Variants in ADAM9 observed in about 807,000 individuals in gnomAD.
The protein encoded by ADAM9 is ADAM metallopeptidase domain 9, also known as disintegrin and metalloproteinase domain-containing protein 9.
A neutral mutation model predicts 108.1 loss-of-function variants in ADAM9; 54 were observed. The observed-to-expected ratio is 0.50, with a 90% CI of 0.40 to 0.63. The LOEUF (loss-of-function observed/expected upper bound fraction) is 0.63, where lower values mean the gene tolerates loss of function less well. ADAM9 is among the 20% of genes least tolerant of loss of function. The pLI, the probability that ADAM9 is intolerant of heterozygous loss-of-function variation, is 0.00. For synonymous variants in ADAM9, 316 were observed against 336.0 expected (o/e 0.94, Z 0.65); for missense variants, 830 against 997.7 (o/e 0.83, Z 2.26).
At chr8:39,097,500 G>A (rs2129443507) in intron 20 of ADAM9, among the ~76,000 whole-genome samples, 1 of 152,076 alleles carries the variant, frequency 6.6e-6, no homozygotes, top group South Asian at 2.1e-4. Flanking sequence ...TAGAGATGGG[G>A]TTTCACCATA....
intron 20 of ADAM9, among the ~76,000 whole-genome samples, chr8:39,098,183 T>C (rs568235392): frequency 6.6e-6 from 1 of 152,350 alleles, no homozygotes; most frequent in African/African-American, 2.4e-5. Context: ...CATTGTCTGT[T>C]ACTCTAATTG....
intron 15 of ADAM9, chr8:39,075,874 C>A (rs2129441783): frequency 6.6e-6 from 1 of 152,194 alleles, no homozygotes; most frequent in East Asian, 1.9e-4. Context: ...GAAACTGAAG[C>A]TCAGAAAATG....
chr8:39,047,132 A>G (rs1354189203), intron 12 of ADAM9, among the ~76,000 whole-genome samples: 1 of 152,216 alleles, frequency 6.6e-6, no homozygotes, highest in Non-Finnish European at 1.5e-5. Flanking sequence ...ATCCCAATTT[A>G]TACCCAAGGA....
chr8:39,081,240 C>T (rs940902845), intron 16 of ADAM9, among the ~76,000 whole-genome samples: 1 of 151,692 alleles, frequency 6.6e-6, no homozygotes, highest in East Asian at 1.9e-4. Context: ...TGAGCCACTG[C>T]ACCCGGTCCC....
intron 1 of ADAM9, among the ~76,000 whole-genome samples, chr8:38,997,482 G>A (rs1197359089): frequency 6.6e-6 from 1 of 152,200 alleles, no homozygotes; most frequent in Non-Finnish European, 1.5e-5. Context: ...ACCCGCTCTG[G>A]GGCGGGCGCT....
intron 16 of ADAM9, 58 bp downstream of exon 16, chr8:39,077,469 T>C: frequency 6.8e-7 from 1 of 1,465,444 alleles, no homozygotes; most frequent in Non-Finnish European, 9.3e-7. Context: ...AAAATTATTA[T>C]ACATAGTAAG....
At chr8:39,014,379 G>A (rs746733892) in intron 4 of ADAM9, 5 of 548,096 alleles carry the variant, frequency 9.1e-6, no homozygotes, top group Admixed American at 3.5e-5. Context: ...CTCTAAAAGT[G>A]CACTTATTAA....
chr8:39,087,825 CA>C (rs1269596404), intron 18 of ADAM9, among the ~76,000 whole-genome samples: 1 of 152,144 alleles, frequency 6.6e-6, no homozygotes, highest in Non-Finnish European at 1.5e-5. Flanking sequence ...TTAGGGGCTC[CA>C]ACTCCCTGCA....
At chr8:39,062,037 C>T (rs187266130) in intron 14 of ADAM9, among the ~76,000 whole-genome samples, 1 of 152,240 alleles carries the variant, frequency 6.6e-6, no homozygotes, top group Non-Finnish European at 1.5e-5. Flanking sequence ...ATAAGATCGC[C>T]AATCCCATCA....
At chr8:39,037,459 T>TGTGTG (rs1554577630) in intron 11 of ADAM9, among the ~76,000 whole-genome samples, 12 of 73,748 alleles carry the variant, frequency 1.6e-4, no homozygotes, top group Admixed American at 7.9e-4. Flanking sequence ...TGTGTGTGTG[T>TGTGTG]TTTTTTTTTT....
chr8:39,079,864 C>A (rs777189395), intron 16 of ADAM9, among the ~76,000 whole-genome samples: 1 of 152,134 alleles, frequency 6.6e-6, no homozygotes, highest in Non-Finnish European at 1.5e-5. Context: ...GGATTACAGG[C>A]GTGAGCCATG....
At chr8:39,088,455 C>T (rs1311084197) in intron 18 of ADAM9, among the ~76,000 whole-genome samples, 1 of 151,982 alleles carries the variant, frequency 6.6e-6, no homozygotes, top group Non-Finnish European at 1.5e-5. Context: ...GACGGGGCTT[C>T]ACCATGTTAG....
chr8:39,023,332 A>AT lies in ADAM9; in HGVS notation c.914+17dup, dbSNP rs556298911. On this transcript the variant is annotated splice_region_variant and intron_variant, in intron 9 of 21. Coordinates refer to ENST00000487273, the MANE Select transcript of ADAM9 (RefSeq NM_003816.3). The stretch of plus-strand genomic sequence containing the variant: ...ACAGTGCACAGCTAGTTCTGTAAGT[A>AT]TTTTTTTTTTAAGTACTATTAATGA... The AT allele has an allele frequency of 5.7e-4, 828 of 1,456,784 alleles. No individual in the cohort carries two copies. Among genetic ancestry groups the AT allele is most frequent in the South Asian group, 5.8e-4 (46 of 78,926 alleles). The allele number at this position is 1,456,784 out of a possible 1,614,324, so 90.2% of individuals were successfully genotyped here. A position where few individuals can be genotyped will look rare whatever the true frequency, so the allele number is the denominator to read the frequency against.
At position 39,055,905 on chromosome 8, in the gene ADAM9, T is replaced by C. The variant is rs903762463; in HGVS notation, c.1591+133T>C. On this transcript the variant is annotated intron_variant, in intron 14 of 21. Coordinates refer to ENST00000487273, the MANE Select transcript of ADAM9 (RefSeq NM_003816.3). ...TTCTCATCGTATTTCCTTTCTTCTT[T>C]GGAGGCAGTCATGATCATGAATTTA... 8 of 919,836 alleles carry C rather than the reference T, an allele frequency of 8.7e-6. No individual in the cohort carries two copies. The Admixed American group carries it at 1.5e-4, about 17-fold the overall frequency. The allele number at this position is 919,836 out of a possible 1,614,324, so 57.0% of individuals were successfully genotyped here.
rs536410856 is a variant in ADAM9, at chr8:39,080,521, G to A, written c.1882-2120G>A. ...ATGCCGTTGAGACCATATACCACAC[G>A]TTCTGTACAGCTGTAACTTTGTAAC... On this transcript the variant is annotated intron_variant, in intron 16 of 21. Coordinates refer to ENST00000487273, the MANE Select transcript of ADAM9 (RefSeq NM_003816.3). 7.2e-5 allele frequency among the ~76,000 whole-genome samples: 11 copies of A among 152,196 alleles called. No homozygotes were observed. The South Asian group carries it at 1.2e-3, about 17-fold the overall frequency.
chr8:39,047,508 A>G (rs1444895739), intron 12 of ADAM9, among the ~76,000 whole-genome samples: 2 of 151,808 alleles, frequency 1.3e-5, no homozygotes, highest in Non-Finnish European at 2.9e-5. Flanking sequence ...TTATTTCTTT[A>G]TGATTCAGTC....
chr8:39,029,242 A>G lies in ADAM9; in HGVS notation c.1130+2432A>G, dbSNP rs146831055. Among the ~76,000 whole-genome samples the G allele has an allele frequency of 1.5e-3, 224 of 151,644 alleles. 5 individuals are homozygous for G. The East Asian group carries it at 0.031, about 21-fold the overall frequency. Reference sequence around the variant, plus strand: ...GATCTTGGAGAGTCTCTGTAGCCACAGGGGAGACTGACCCCATAGGAGTTG... The same window carrying G: ...GATCTTGGAGAGTCTCTGTAGCCACGGGGGAGACTGACCCCATAGGAGTTG... On this transcript the variant is annotated intron_variant, in intron 11 of 21. Coordinates refer to ENST00000487273, the MANE Select transcript of ADAM9 (RefSeq NM_003816.3).
At chr8:38,997,879 T>C (rs1201118380) in intron 1 of ADAM9, among the ~76,000 whole-genome samples, 1 of 152,250 alleles carries the variant, frequency 6.6e-6, no homozygotes, top group East Asian at 1.9e-4. Context: ...CACAGGATTA[T>C]TGTAGGAATT....
At chr8:39,046,847 C>T (rs1434994463) in intron 12 of ADAM9, among the ~76,000 whole-genome samples, 1 of 151,968 alleles carries the variant, frequency 6.6e-6, no homozygotes, top group Admixed American at 6.6e-5. Flanking sequence ...CAGCTCACTG[C>T]AGCTTTGACC....
Sources: allele counts gnomAD v4.1 joint callset (sites outside exome capture counted in the v4.1 genomes callset), GRCh38; gene constraint gnomAD v4.1.1; transcripts MANE v1.5; gene names NCBI Gene and HGNC (gene_info 2026-07-23, HGNC 2026-07-21).